The following CHD9 variants were observed in gnomAD, a reference collection of about 807,000 sequenced individuals.
CHD9 encodes ATP-dependent chromatin remodeler CHD9.
Under a neutral mutation model 316.1 loss-of-function variants are expected in CHD9, and 77 were observed. The ratio of observed to expected loss-of-function variants is 0.24; its 90% CI spans 0.20 to 0.29. CHD9 has a LOEUF of 0.29. Ranked by LOEUF, CHD9 falls within the 10% of genes least tolerant of loss-of-function variation. The pLI is 1.00. For missense variants in CHD9, 2,763 were observed against 3,438.1 expected (o/e 0.80, Z 4.91); for synonymous variants, 1,129 against 1,158.3 (o/e 0.97, Z 0.51).
intron 17 of CHD9, chr16:53,250,325 A>G: frequency 2.7e-6 from 1 of 373,302 alleles, no homozygotes; most frequent in Non-Finnish European, 4.8e-6. Context: ...CTAATTGAGT[A>G]CAGTACTTTT....
chr16:53,272,424 T>A (rs1243862054), intron 22 of CHD9, among the ~76,000 whole-genome samples: 2 of 152,044 alleles, frequency 1.3e-5, no homozygotes, highest in Non-Finnish European at 2.9e-5. Flanking sequence ...TGTACCATTG[T>A]AGTGGAGTAC....
intron 15 of CHD9, among the ~76,000 whole-genome samples, chr16:53,246,855 C>G (rs963366108): frequency 6.6e-6 from 1 of 152,050 alleles, no homozygotes; most frequent in Non-Finnish European, 1.5e-5. Flanking sequence ...GTTTTGATGG[C>G]TAACAAGATG....
intron 1 of CHD9, among the ~76,000 whole-genome samples, chr16:53,101,273 C>CT (rs1012377760): frequency 0.3 from 37,948 of 124,872 alleles, 6,491 homozygotes; most frequent in Non-Finnish European, 0.37. Flanking sequence ...TTTTCCTTTT[C>CT]TTTTTTTTTT....
chr16:53,163,371 C>T (rs994901043), intron 2 of CHD9, among the ~76,000 whole-genome samples: 8 of 152,010 alleles, frequency 5.3e-5, no homozygotes, highest in East Asian at 1.9e-4. Flanking sequence ...CCACCACGCC[C>T]GGCTAATTTT....
intron 6 of CHD9, 26 bp downstream of exon 6, chr16:53,227,490 C>T (rs541604905): frequency 2.0e-6 from 3 of 1,484,652 alleles, no homozygotes; most frequent in East Asian, 4.9e-5. Flanking sequence ...TTACATTTTA[C>T]ACTTCATATT....
chr16:53,293,666 A>G (rs2054542595), intron 29 of CHD9, among the ~76,000 whole-genome samples: 1 of 151,582 alleles, frequency 6.6e-6, no homozygotes. Context: ...GAATTGAATC[A>G]CTGGCCGGGC....
At chr16:53,067,117 A>G (rs1455960676) in intron 1 of CHD9, among the ~76,000 whole-genome samples, 1 of 152,016 alleles carries the variant, frequency 6.6e-6, no homozygotes, top group East Asian at 1.9e-4. Context: ...TAATATTTTT[A>G]TTTATGGTAG....
At chr16:53,131,799 C>G (rs914571919) in intron 1 of CHD9, among the ~76,000 whole-genome samples, 2 of 152,156 alleles carry the variant, frequency 1.3e-5, no homozygotes, top group Admixed American at 1.3e-4. Flanking sequence ...GGGACGTCCC[C>G]GGCGCTTTCC....
At position 53,326,904 on chromosome 16, in the gene CHD9, C is replaced by A. The variant is rs1029273328; in HGVS notation, c.*2009C>A. The A allele has an allele frequency of 6.7e-6, 1 of 149,746 alleles. No homozygotes were observed. Among genetic ancestry groups the A allele is most frequent in the African/African-American group, 2.5e-5 (1 of 40,732 alleles). The allele number at this position is 149,746 out of a possible 1,614,324, so 9.3% of individuals were successfully genotyped here. On this transcript the variant is annotated 3_prime_UTR_variant, in exon 39 of 39. Coordinates refer to ENST00000447540, the MANE Select transcript of CHD9 (RefSeq NM_001308319.2). ...AAAAAAGGAAAAAAAATCTGTAGAT[C>A]TTGTCACTAAAATCTAATTTATATC... is the stretch of plus-strand genomic sequence containing the variant.
chr16:53,231,501 G>A lies in CHD9; in HGVS notation c.2369G>A (p.Gly790Asp), dbSNP rs200434598. The A allele has an allele frequency of 8.3e-6, 13 of 1,567,284 alleles. No individual in the cohort carries two copies. The East Asian group carries it at 1.1e-4, about 14-fold the overall frequency. ...TCTTTTTGTGAAGATAAGGATACTG[G>A]TGAGGTAAATATATGGTAAAAAGAT... ...EVSFCEDKDT[G>D]EPVIYYLVKW... Residue 790 changes from glycine (G) to aspartate (D), a missense_variant, in exon 9 of 39, where the codon GGT becomes GAT. Gly to Asp is a moderately conservative substitution (Grantham distance 94, BLOSUM62 -1). Around this residue, in one of 15 missense-constraint regions of CHD9, gnomAD observed 186 missense variants for 245.0 expected, o/e 0.76. Coordinates refer to ENST00000447540, the MANE Select transcript of CHD9 (RefSeq NM_001308319.2).
intron 2 of CHD9, chr16:53,208,261 TGAGCAC>T: frequency 8.1e-7 from 1 of 1,231,548 alleles, no homozygotes; most frequent in Admixed American, 3.1e-5. Context: ...GCTTTTTTCT[TGAGCAC>T]TGCCTGGGGT....
intron 18 of CHD9, 38 bp from the exon 19 acceptor site, chr16:53,255,562 A>T (rs1458009784): frequency 1.3e-6 from 2 of 1,568,078 alleles, no homozygotes; most frequent in East Asian, 2.2e-5. Flanking sequence ...TATGAACTTT[A>T]AAAAAAACTA....
At chr16:53,300,322 C>A (rs1171385760) in intron 30 of CHD9, among the ~76,000 whole-genome samples, 1 of 151,184 alleles carries the variant, frequency 6.6e-6, no homozygotes, top group East Asian at 1.9e-4. Context: ...CATTGCACTC[C>A]AGCCTAGGTG....
chr16:53,156,239 A>C lies in CHD9; in HGVS notation c.150A>C (p.Ile50=). ...GTGCAGAATTTGAACCGTTGCACAT[A>C]GATTCACTGAACCATGTTCAAGGTA... The part of the protein sequence containing the change: ...NLGAEFEPLH[I]DSLNHVQGTP... The change falls in exon 2 of 39, where the codon ATA becomes ATC. Residue 50 remains isoleucine, a synonymous_variant. Coordinates refer to ENST00000447540, the MANE Select transcript of CHD9 (RefSeq NM_001308319.2). 6.2e-7 allele frequency: 1 copy of C among 1,614,032 alleles called. No homozygotes were observed. Among genetic ancestry groups the C allele is most frequent in the African/African-American group, 1.3e-5 (1 of 75,072 alleles).
At chr16:53,137,239 T>C (rs2039787883) in intron 1 of CHD9, among the ~76,000 whole-genome samples, 1 of 152,204 alleles carries the variant, frequency 6.6e-6, no homozygotes, top group African/African-American at 2.4e-5. Flanking sequence ...CCCAAAGTGT[T>C]GGGATTACAG....
rs769052925 is a variant in CHD9, at chr16:53,308,766, G to A, written c.7134G>A (p.Gly2378=). ...RPFDGEDGAL[G]QQQYLTRLRE... is the part of the protein sequence containing the mutation. ...TTGATGGTGAAGACGGTGCTCTGGG[G>A]CAGCAGCAGTACCTCACTCGGCTTC... is the stretch of plus-strand genomic sequence containing the variant. The change falls in exon 34 of 39, where the codon GGG becomes GGA. Residue 2378 remains glycine, a synonymous_variant. Coordinates refer to ENST00000447540, the MANE Select transcript of CHD9 (RefSeq NM_001308319.2). 1.7e-5 allele frequency: 28 copies of A among 1,613,418 alleles called. No individual in the cohort carries two copies. The East Asian group carries it at 4.7e-4, about 27-fold the overall frequency.
intron 3 of CHD9, among the ~76,000 whole-genome samples, chr16:53,219,375 GATTAA>G (rs1333454676): frequency 1.3e-5 from 2 of 152,150 alleles, no homozygotes; most frequent in Non-Finnish European, 2.9e-5. Context: ...GTTAAGAAAA[GATTAA>G]ATTAAATCTC....
At chr16:53,188,531 G>A (rs1567446319) in intron 2 of CHD9, among the ~76,000 whole-genome samples, 2 of 143,122 alleles carry the variant, frequency 1.4e-5, no homozygotes, top group East Asian at 4.1e-4. Context: ...ATGTCTTGTT[G>A]TGGTTTTGAT....
At chr16:53,224,690 A>G (rs1238107563) in intron 4 of CHD9, among the ~76,000 whole-genome samples, 2 of 152,194 alleles carry the variant, frequency 1.3e-5, no homozygotes, top group East Asian at 3.8e-4. Context: ...ACTATTCTCA[A>G]ATTTCATTAC....
Sources: gnomAD v4.1 joint callset for allele counts (sites outside exome capture counted in the v4.1 genomes callset) on GRCh38, gnomAD v4.1.1 for gene constraint, gnomAD v4.1.1 regional missense constraint, MANE v1.5 for transcripts, NCBI Gene and HGNC (gene_info 2026-07-23, HGNC 2026-07-21) for gene names.